The following THRB variants were observed in gnomAD, a reference collection of about 807,000 sequenced individuals.
THRB encodes thyroid hormone receptor beta.
A neutral mutation model predicts 47.8 loss-of-function variants in THRB; 12 were observed. That is an observed-to-expected ratio of 0.25 (90% CI 0.16 to 0.41). THRB has a LOEUF of 0.41. Ranked by LOEUF, THRB falls within the 10% of genes least tolerant of loss-of-function variation. THRB has a pLI of 1.00. For missense variants in THRB, 348 were observed against 589.2 expected (o/e 0.59, Z 4.24); for synonymous variants, 218 against 212.2 (o/e 1.03, Z -0.24).
chr3:24,254,576 T>A (rs1192951747), intron 3 of THRB, among the ~76,000 whole-genome samples: 2 of 152,202 alleles, frequency 1.3e-5, no homozygotes, highest in Admixed American at 6.5e-5. Context: ...TGCACTTAAA[T>A]GTGTAGGAGT....
At chr3:24,388,061 A>G (rs577088034) in intron 1 of THRB, among the ~76,000 whole-genome samples, 2 of 152,200 alleles carry the variant, frequency 1.3e-5, no homozygotes, top group African/African-American at 4.8e-5. Context: ...TCCTTCAGTA[A>G]GATATAACTG....
intron 2 of THRB, among the ~76,000 whole-genome samples, chr3:24,324,308 T>A (rs901819820): frequency 4.7e-4 from 70 of 149,992 alleles, no homozygotes; most frequent in African/African-American, 1.7e-3. Flanking sequence ...CCATTCATTC[T>A]ATCTTTCTCC....
intron 1 of THRB, among the ~76,000 whole-genome samples, chr3:24,487,987 G>A (rs1347456428): frequency 2.6e-5 from 4 of 152,118 alleles, no homozygotes; most frequent in Admixed American, 1.3e-4. Context: ...GAGAACCAAG[G>A]AACAACATGT....
At chr3:24,159,467 G>A (rs779431922) in intron 5 of THRB, among the ~76,000 whole-genome samples, 3 of 152,200 alleles carry the variant, frequency 2.0e-5, no homozygotes, top group Non-Finnish European at 4.4e-5. Flanking sequence ...TATGTGTTAT[G>A]TTGCACGTAT....
chr3:24,328,859 G>A (rs890122402), intron 2 of THRB, among the ~76,000 whole-genome samples: 5 of 152,092 alleles, frequency 3.3e-5, no homozygotes, highest in African/African-American at 1.2e-4. Context: ...GTTCCCTACT[G>A]CTATCAGATT....
intron 1 of THRB, among the ~76,000 whole-genome samples, chr3:24,492,400 T>C (rs551615968): frequency 7.9e-5 from 12 of 152,136 alleles, no homozygotes; most frequent in African/African-American, 4.8e-5. Flanking sequence ...GTGATGGGTC[T>C]GAAAAGGAAT....
At chr3:24,428,616 C>T (rs2070022451) in intron 1 of THRB, among the ~76,000 whole-genome samples, 1 of 151,926 alleles carries the variant, frequency 6.6e-6, no homozygotes, top group African/African-American at 2.4e-5. Context: ...AAAGCAGGAG[C>T]AAAAGATGAG....
chr3:24,231,597 T>C (rs1448432790), intron 3 of THRB, among the ~76,000 whole-genome samples: 4 of 152,150 alleles, frequency 2.6e-5, no homozygotes, highest in Admixed American at 6.6e-5. Flanking sequence ...TATTTTGGTA[T>C]TATTTAGTAT....
chr3:24,354,188 C>T (rs2063527931), intron 1 of THRB, among the ~76,000 whole-genome samples: 1 of 151,964 alleles, frequency 6.6e-6, no homozygotes, highest in African/African-American at 2.4e-5. Flanking sequence ...AATACATGGA[C>T]ACATAAAGGG....
intron 1 of THRB, among the ~76,000 whole-genome samples, chr3:24,489,123 A>G (rs2125942986): frequency 6.6e-6 from 1 of 152,062 alleles, no homozygotes; most frequent in South Asian, 2.1e-4. Context: ...GTGTGGTGGC[A>G]TGTGCCTGTA....
At chr3:24,188,503 ATGAT>A (rs1422720760) in intron 5 of THRB, among the ~76,000 whole-genome samples, 1 of 152,168 alleles carries the variant, frequency 6.6e-6, no homozygotes, top group East Asian at 1.9e-4. Flanking sequence ...TTTATTTTAA[ATGAT>A]TGATAGAGAC....
At chr3:24,245,136 TGAG>T (rs1382553217) in intron 3 of THRB, among the ~76,000 whole-genome samples, 2 of 152,340 alleles carry the variant, frequency 1.3e-5, no homozygotes, top group Middle Eastern at 3.4e-3. Flanking sequence ...GGAGAACTCC[TGAG>T]GAGGACACAG....
intron 1 of THRB, among the ~76,000 whole-genome samples, chr3:24,435,857 G>C (rs2070891898): frequency 6.6e-6 from 1 of 152,210 alleles, no homozygotes; most frequent in Admixed American, 6.5e-5. Flanking sequence ...TGTTTAGAAA[G>C]AATAGATGAT....
At chr3:24,253,817 A>G (rs983842286) in intron 3 of THRB, among the ~76,000 whole-genome samples, 7 of 152,154 alleles carry the variant, frequency 4.6e-5, no homozygotes, top group Non-Finnish European at 1.0e-4. Flanking sequence ...ATCTCTAAAG[A>G]AATGAGATTG....
At chr3:24,274,322 A>C (rs2053672502) in intron 3 of THRB, among the ~76,000 whole-genome samples, 1 of 152,218 alleles carries the variant, frequency 6.6e-6, no homozygotes, top group South Asian at 2.1e-4. Context: ...ATGGACTTAA[A>C]TTATAGAACG....
In THRB at chr3:24,336,236, G is replaced by C. The variant is rs2062240682; in HGVS notation, c.-189+1064C>G. 2.0e-5 allele frequency among the ~76,000 whole-genome samples: 3 copies of C among 152,310 alleles called. No homozygotes were observed. In the South Asian group the frequency reaches 6.2e-4, roughly 32 times the overall value. On this transcript the variant is annotated intron_variant, in intron 2 of 10. Coordinates refer to ENST00000646209, the MANE Select transcript of THRB (RefSeq NM_001354712.2). ...CAGGGGGCCCCAAGGGAGGGCCTGGGCACTGAGTGCTGTAATACTAGCACT... is the reference window on the plus strand; with the variant it reads ...CAGGGGGCCCCAAGGGAGGGCCTGGCCACTGAGTGCTGTAATACTAGCACT...
chr3:24,286,469 G>A (rs920898394), intron 3 of THRB, among the ~76,000 whole-genome samples: 6 of 152,122 alleles, frequency 3.9e-5, no homozygotes, highest in Non-Finnish European at 7.3e-5. Context: ...GGCAAGAGAG[G>A]AATTTTGTAC....
In THRB at chr3:24,401,111, A is replaced by T. The variant is rs149716758; in HGVS notation, c.-260-63740T>A. Among the ~76,000 whole-genome samples, 466 of 150,324 alleles carry T rather than the reference A, an allele frequency of 3.1e-3. 3 individuals are homozygous for T. Among genetic ancestry groups the T allele is most frequent in the African/African-American group, 0.011 (439 of 40,816 alleles). On this transcript the variant is annotated intron_variant, in intron 1 of 10. Coordinates refer to ENST00000646209, the MANE Select transcript of THRB (RefSeq NM_001354712.2). The stretch of plus-strand genomic sequence containing the variant: ...AAGAGGAAAACACAAACGAGCTTTT[A>T]AAAAAAAAGTCCATCCCTTTTATAT...
chr3:24,325,968 C>G (rs1378659720), intron 2 of THRB, among the ~76,000 whole-genome samples: 1 of 152,158 alleles, frequency 6.6e-6, no homozygotes. Context: ...TTCCCTCCCT[C>G]TCCCTTTCTC....
Sources: gnomAD v4.1 joint callset for allele counts (sites outside exome capture counted in the v4.1 genomes callset) on GRCh38, gnomAD v4.1.1 for gene constraint, MANE v1.5 for transcripts, NCBI Gene and HGNC (gene_info 2026-07-23, HGNC 2026-07-21) for gene names.